The following WWOX variants were observed in gnomAD, a reference collection of about 807,000 sequenced individuals.
WWOX encodes the protein WW domain-containing oxidoreductase.
WWOX carries 69 observed loss-of-function variants against 46.2 expected under a neutral mutation model. That is an observed-to-expected ratio of 1.49 (90% CI 1.23 to 1.82). The LOEUF is 1.82. Ranked by LOEUF, WWOX falls within the 40% of genes most tolerant of loss-of-function variation. The probability of loss-of-function intolerance (pLI) is 0.00; values close to 1 mark genes in which losing one functional copy is unlikely to be tolerated. For synonymous variants in WWOX, 359 were observed against 202.6 expected (o/e 1.77, Z -6.56); for missense variants, 919 against 542.6 (o/e 1.69, Z -6.89).
chr16:78,963,098 A>C (rs567201886), intron 8 of WWOX, among the ~76,000 whole-genome samples: 2 of 152,194 alleles, frequency 1.3e-5, no homozygotes, highest in Non-Finnish European at 2.9e-5. Flanking sequence ...TTCTACAATT[A>C]ACATTTCCCT....
rs549773953 is a variant in WWOX at position 78,705,312 on chromosome 16, C to T, written c.1056+272560C>T. 7.2e-5 allele frequency among the ~76,000 whole-genome samples: 11 copies of T among 152,190 alleles called. No individual in the cohort carries two copies. The South Asian group carries it at 1.5e-3, about 20-fold the overall frequency. On this transcript the variant is annotated intron_variant, in intron 8 of 8. Coordinates refer to ENST00000566780, the MANE Select transcript of WWOX (RefSeq NM_016373.4). ...AGTACTTTATATTCATTGTTGCTTCCGGACCTAGCTGACAACATGGTCTAT... is the reference window on the plus strand; with the variant it reads ...AGTACTTTATATTCATTGTTGCTTCTGGACCTAGCTGACAACATGGTCTAT...
chr16:78,528,020 A>G, intron 8 of WWOX, among the ~76,000 whole-genome samples: 1 of 31,904 alleles, frequency 3.1e-5, no homozygotes, highest in East Asian at 1.5e-3. Context: ...TTTTTTTGAG[A>G]CGGAGTCTTG....
chr16:78,599,807 C>A (rs1318039943), intron 8 of WWOX, among the ~76,000 whole-genome samples: 1 of 152,058 alleles, frequency 6.6e-6, no homozygotes, highest in Non-Finnish European at 1.5e-5. Context: ...CTGGGTCTTG[C>A]CAAAACCTCT....
At chr16:78,651,576 C>T (rs1488895687) in intron 8 of WWOX, among the ~76,000 whole-genome samples, 1 of 152,162 alleles carries the variant, frequency 6.6e-6, no homozygotes, top group Non-Finnish European at 1.5e-5. Context: ...TTACCTGTTC[C>T]ATGCTTAGCC....
At position 78,254,502 on chromosome 16, in the gene WWOX, G is replaced by GTTTTTTTTTTT. The variant is rs59706959; in HGVS notation, c.516+90220_516+90230dup. 8.1e-3 allele frequency among the ~76,000 whole-genome samples: 742 copies of GTTTTTTTTTTT among 91,626 alleles called. 28 individuals are homozygous for GTTTTTTTTTTT. The highest frequency in any genetic ancestry group is 0.014 in the East Asian group (38 of 2,714). The allele number at this position is 91,626 out of a possible 152,430, so 60.1% of individuals were successfully genotyped here. A position where few individuals can be genotyped will look rare whatever the true frequency, so the allele number is the denominator to read the frequency against. On this transcript the variant is annotated intron_variant, in intron 5 of 8. Transcript: ENST00000566780. The stretch of plus-strand genomic sequence containing the variant: ...CACTTTTCTTTTTCTTTTCTTTCTT[G>GTTTTTTTTTTT]TTTTTTTTTTTTTTTTTGTTTGACA...
chr16:78,425,154 C>A, intron 7 of WWOX, 99 bp downstream of exon 7: 1 of 1,512,918 alleles, frequency 6.6e-7, no homozygotes, highest in Non-Finnish European at 9.1e-7. Flanking sequence ...ATTAGTCCTG[C>A]TTGAGACATG....
At chr16:78,545,048 T>C (rs1005171780) in intron 8 of WWOX, among the ~76,000 whole-genome samples, 2 of 152,164 alleles carry the variant, frequency 1.3e-5, no homozygotes, top group Non-Finnish European at 2.9e-5. Context: ...AGAGAGATTA[T>C]TTCTAGAATA....
At chr16:78,625,790 A>T (rs560762833) in intron 8 of WWOX, among the ~76,000 whole-genome samples, 182 of 118,868 alleles carry the variant, frequency 1.5e-3, no homozygotes, top group Non-Finnish European at 2.2e-3. Flanking sequence ...CCAGTACTTA[A>T]AAGTAATGGC....
chr16:79,160,785 G>T (rs1029423613), intron 8 of WWOX, among the ~76,000 whole-genome samples: 1 of 152,152 alleles, frequency 6.6e-6, no homozygotes, highest in African/African-American at 2.4e-5. Flanking sequence ...GCATTCATAT[G>T]TCTGTGTGTA....
At chr16:78,102,951 C>G (rs1373867168) in intron 1 of WWOX, among the ~76,000 whole-genome samples, 7 of 152,172 alleles carry the variant, frequency 4.6e-5, no homozygotes, top group Admixed American at 1.3e-4. Flanking sequence ...CTTCCTAAGC[C>G]CACCTCTGCC....
intron 8 of WWOX, among the ~76,000 whole-genome samples, chr16:78,534,915 T>C (rs939370015): frequency 1.3e-5 from 2 of 152,082 alleles, no homozygotes; most frequent in African/African-American, 4.8e-5. Context: ...GGTTCCACCA[T>C]GGTGGCCGGG....
intron 8 of WWOX, among the ~76,000 whole-genome samples, chr16:78,463,101 G>C (rs959103917): frequency 1.3e-5 from 2 of 152,112 alleles, no homozygotes; most frequent in African/African-American, 4.8e-5. Flanking sequence ...TGTCAGATCC[G>C]TATCCCACTG....
At chr16:78,222,839 G>C (rs1324698014) in intron 5 of WWOX, among the ~76,000 whole-genome samples, 1 of 152,234 alleles carries the variant, frequency 6.6e-6, no homozygotes, top group African/African-American at 2.4e-5. Flanking sequence ...ACGCGCTCCA[G>C]ATAAGTAATC....
chr16:79,034,551 C>A (rs1441944491), intron 8 of WWOX, among the ~76,000 whole-genome samples: 1 of 152,216 alleles, frequency 6.6e-6, no homozygotes, highest in African/African-American at 2.4e-5. Context: ...CTGGCTTCCC[C>A]AATGCCCTGG....
intron 8 of WWOX, among the ~76,000 whole-genome samples, chr16:78,785,581 T>C (rs182137033): frequency 7.2e-4 from 109 of 152,342 alleles, no homozygotes; most frequent in African/African-American, 2.5e-3. Flanking sequence ...GTATACACAG[T>C]ACTGTTTCTT....
At chr16:78,182,854 G>A (rs541349770) in intron 5 of WWOX, among the ~76,000 whole-genome samples, 28 of 151,602 alleles carry the variant, frequency 1.8e-4, no homozygotes, top group African/African-American at 6.3e-4. Context: ...GGGAGGCTGA[G>A]GCAGGAGAAT....
intron 8 of WWOX, among the ~76,000 whole-genome samples, chr16:79,051,825 A>G (rs150352402): frequency 1.4e-3 from 213 of 152,338 alleles, no homozygotes; most frequent in African/African-American, 4.9e-3. Flanking sequence ...GCTAGCTGTA[A>G]TGAAGAAATC....
intron 8 of WWOX, among the ~76,000 whole-genome samples, chr16:78,467,651 C>T (rs2084113272): frequency 6.6e-6 from 1 of 152,154 alleles, no homozygotes; most frequent in Non-Finnish European, 1.5e-5. Flanking sequence ...ACTTGGCTTT[C>T]ATTAGAGTAG....
At chr16:78,293,714 A>G (rs1665438681) in intron 5 of WWOX, among the ~76,000 whole-genome samples, 1 of 152,140 alleles carries the variant, frequency 6.6e-6, no homozygotes, top group South Asian at 2.1e-4. Flanking sequence ...GCGGTGCCTC[A>G]GGCCTGTAAT....
Sources: allele counts gnomAD v4.1 joint callset (sites outside exome capture counted in the v4.1 genomes callset), GRCh38; gene constraint gnomAD v4.1.1; transcripts MANE v1.5; gene names NCBI Gene and HGNC (gene_info 2026-07-23, HGNC 2026-07-21).